Variants in DTNA observed in about 807,000 individuals in gnomAD.
The protein encoded by DTNA is dystrobrevin alpha.
Under a neutral mutation model 100.7 loss-of-function variants are expected in DTNA, and 43 were observed. The ratio of observed to expected loss-of-function variants is 0.43; its 90% CI spans 0.33 to 0.55. The LOEUF (loss-of-function observed/expected upper bound fraction) is 0.55, where lower values mean the gene tolerates loss of function less well. Ranked by LOEUF, DTNA falls within the 20% of genes least tolerant of loss-of-function variation. The probability of loss-of-function intolerance (pLI) is 0.04; values close to 1 mark genes in which losing one functional copy is unlikely to be tolerated. For synonymous variants in DTNA, 349 were observed against 347.9 expected (o/e 1.00, Z -0.04); for missense variants, 798 against 953.9 (o/e 0.84, Z 2.15).
intron 1 of DTNA, among the ~76,000 whole-genome samples, chr18:34,529,840 G>A (rs748163452): frequency 6.6e-6 from 1 of 152,098 alleles, no homozygotes; most frequent in African/African-American, 2.4e-5. Context: ...TTAATCCAGG[G>A]TAGAGCAAAG....
At chr18:34,790,415 C>G (rs111926842) in intron 3 of DTNA, among the ~76,000 whole-genome samples, 1,539 of 123,378 alleles carry the variant, frequency 0.012, 161 homozygotes, top group African/African-American at 0.048. Context: ...ATGTTGACGC[C>G]AAGGTATAGT....
intron 7 of DTNA, chr18:34,817,845 TA>T: frequency 4.6e-6 from 4 of 864,036 alleles, no homozygotes; most frequent in Non-Finnish European, 6.2e-6. Context: ...CAGTTTGGGG[TA>T]AAGGCAAGTC....
Position 34,890,197 on chromosome 18 carries a change from T to G in DTNA, c.*2463T>G. On this transcript the variant is annotated 3_prime_UTR_variant, in exon 23 of 23. Coordinates refer to ENST00000444659, the MANE Select transcript of DTNA (RefSeq NM_001386795.1). ...GCTATTTCATTGCCAACCAACTCCA[T>G]CACATGGTTGTTGATATCGTCATAT... The G allele has an allele frequency of 6.9e-7, 1 of 1,452,316 alleles. No homozygotes were observed. Among genetic ancestry groups the G allele is most frequent in the Non-Finnish European group, 9.0e-7 (1 of 1,107,742 alleles). 90.0% of individuals were successfully genotyped at this position (1,452,316 alleles called of 1,614,324 possible).
Position 34,879,726 on chromosome 18 carries a change from A to G in DTNA, c.2162+7A>G, listed in dbSNP as rs972508401. The G allele has an allele frequency of 1.2e-6, 2 of 1,614,054 alleles. No homozygotes were observed. Among genetic ancestry groups the G allele is most frequent in the Non-Finnish European group, 1.7e-6 (2 of 1,179,964 alleles). On this transcript the variant is annotated splice_region_variant and intron_variant, in intron 20 of 22. Coordinates refer to ENST00000444659, the MANE Select transcript of DTNA (RefSeq NM_001386795.1). ...GTACCATGCGTGGCGACATGTGAGT[A>G]TCTTCCGCTTGGAAGCATTTTCTCA...
intron 3 of DTNA, among the ~76,000 whole-genome samples, chr18:34,776,432 C>T (rs951474938): frequency 6.6e-6 from 1 of 152,190 alleles, no homozygotes; most frequent in African/African-American, 2.4e-5. Flanking sequence ...CTCCCGGGTT[C>T]AAGCTGCATC....
intron 1 of DTNA, among the ~76,000 whole-genome samples, chr18:34,701,711 A>G (rs2081394109): frequency 6.6e-6 from 1 of 152,190 alleles, no homozygotes; most frequent in Non-Finnish European, 1.5e-5. Flanking sequence ...GCATTAAAGT[A>G]AATGGCATCT....
chr18:34,802,293 C>G (rs1361045890), intron 4 of DTNA, among the ~76,000 whole-genome samples: 3 of 152,236 alleles, frequency 2.0e-5, no homozygotes, highest in Non-Finnish European at 4.4e-5. Context: ...TACTACCTTA[C>G]TGCAAAGGCA....
intron 1 of DTNA, among the ~76,000 whole-genome samples, chr18:34,742,337 T>G (rs2090793792): frequency 6.6e-6 from 1 of 152,004 alleles, no homozygotes; most frequent in Admixed American, 6.6e-5. Flanking sequence ...AAAATTAGAG[T>G]GTTGGCAGGG....
intron 1 of DTNA, among the ~76,000 whole-genome samples, chr18:34,660,227 C>A (rs2074995357): frequency 6.6e-6 from 1 of 152,074 alleles, no homozygotes; most frequent in Non-Finnish European, 1.5e-5. Context: ...TCGGAATGGA[C>A]CCCTCCTCTC....
intron 1 of DTNA, among the ~76,000 whole-genome samples, chr18:34,530,616 G>A (rs1355824961): frequency 1.3e-5 from 2 of 151,988 alleles, no homozygotes; most frequent in Non-Finnish European, 2.9e-5. Context: ...AGCTAAATTA[G>A]TGGGGAATTA....
rs534845050 is a variant in DTNA at position 34,834,808 on chromosome 18, A to G, written c.1176-3286A>G. ...CATAACCCAAACACCTCCCATTAGG[A>G]CCTATTTCCAACATTGAGGATCAAA... On this transcript the variant is annotated intron_variant, in intron 11 of 22. Coordinates refer to ENST00000444659, the MANE Select transcript of DTNA (RefSeq NM_001386795.1). 4.6e-5 allele frequency among the ~76,000 whole-genome samples: 7 copies of G among 152,264 alleles called. 1 individual carries two copies. Among genetic ancestry groups the G allele is most frequent in the African/African-American group, 1.7e-4 (7 of 41,574 alleles).
chr18:34,629,956 T>A (rs191653537), intron 1 of DTNA, among the ~76,000 whole-genome samples: 1 of 152,182 alleles, frequency 6.6e-6, no homozygotes, highest in African/African-American at 2.4e-5. Context: ...GCTTATTCTA[T>A]CTCATGCTCT....
chr18:34,799,272 A>G (rs1034707742), intron 4 of DTNA, among the ~76,000 whole-genome samples: 6 of 152,332 alleles, frequency 3.9e-5, no homozygotes, highest in East Asian at 3.9e-4. Context: ...TTGAACACCC[A>G]TGCCCACTGC....
intron 1 of DTNA, among the ~76,000 whole-genome samples, chr18:34,551,304 G>A (rs545248026): frequency 6.6e-6 from 1 of 152,120 alleles, no homozygotes; most frequent in East Asian, 1.9e-4. Context: ...AAGTCAAGTG[G>A]TTCTGCCTCC....
chr18:34,848,191 C>A, intron 13 of DTNA, 105 bp from the exon 14 acceptor site: 2 of 1,082,396 alleles, frequency 1.8e-6, no homozygotes, highest in Non-Finnish European at 2.8e-6. Flanking sequence ...GTTTGCAAAT[C>A]TTTTGCACCA....
upstream of DTNA, among the ~76,000 whole-genome samples, chr18:34,709,692 A>G (rs1192973581): frequency 6.6e-6 from 1 of 152,194 alleles, no homozygotes; most frequent in African/African-American, 2.4e-5. Flanking sequence ...AATTTAAATG[A>G]TAAATTTTAA....
intron 18 of DTNA, among the ~76,000 whole-genome samples, chr18:34,875,928 G>C (rs945245101): frequency 6.6e-6 from 1 of 152,118 alleles, no homozygotes; most frequent in African/African-American, 2.4e-5. Context: ...GAGGGATGGG[G>C]ATGCCAGCCA....
At chr18:34,507,836 C>T (rs1042360348) in intron 1 of DTNA, among the ~76,000 whole-genome samples, 6 of 152,168 alleles carry the variant, frequency 3.9e-5, no homozygotes, top group Non-Finnish European at 8.8e-5. Context: ...TACACGCTAA[C>T]GTTGAGAACC....
chr18:34,636,115 T>TA (rs1219350279), intron 1 of DTNA, among the ~76,000 whole-genome samples: 7 of 152,212 alleles, frequency 4.6e-5, no homozygotes, highest in African/African-American at 1.7e-4. Context: ...CACAAAATGT[T>TA]AAAAAGACAT....
Sources: allele counts gnomAD v4.1 joint callset (sites outside exome capture counted in the v4.1 genomes callset), GRCh38; gene constraint gnomAD v4.1.1; transcripts MANE v1.5; gene names NCBI Gene and HGNC (gene_info 2026-07-23, HGNC 2026-07-21).